The following GABBR1 variants were observed in gnomAD, a reference collection of about 807,000 sequenced individuals.
The protein encoded by GABBR1 is gamma-aminobutyric acid type B receptor subunit 1.
GABBR1 carries 35 observed loss-of-function variants against 117.7 expected under a neutral mutation model. That is an observed-to-expected ratio of 0.30 (90% CI 0.23 to 0.39). GABBR1 has a LOEUF of 0.39. GABBR1 is among the 10% of genes least tolerant of loss of function. GABBR1 has a pLI of 1.00. For synonymous variants in GABBR1, 442 were observed against 486.6 expected (o/e 0.91, Z 1.21); for missense variants, 709 against 1,241.8 (o/e 0.57, Z 6.45).
chr6:29,605,762 C>T lies in GABBR1; in HGVS notation c.2312-66G>A. On this transcript the variant is annotated intron_variant, in intron 19 of 22. Transcript: ENST00000377034. This position sits in a 1 kb window ranked among gnomAD's most constrained non-coding sequence, Gnocchi z 4.2. The stretch of plus-strand genomic sequence containing the variant: ...CAATGCTCCTCACTCAATCCCCATC[C>T]CCTCTCTGCCCTTCACCTACTCTGA... 6.4e-7 allele frequency: 1 copy of T among 1,569,036 alleles called. No homozygotes were observed. Among genetic ancestry groups the T allele is most frequent in the Non-Finnish European group, 8.6e-7 (1 of 1,159,174 alleles).
Position 29,621,203 on chromosome 6 carries a change from A to C in GABBR1, c.1221T>G (p.Ser407=). 1 of 1,613,008 alleles carries C rather than the reference A, an allele frequency of 6.2e-7. No individual in the cohort carries two copies. The highest frequency in any genetic ancestry group is 8.5e-7 in the Non-Finnish European group (1 of 1,179,938). Residue 407 remains serine (S), a synonymous_variant, in exon 11 of 23, where the codon TCT becomes TCG. Transcript: ENST00000377034. The surrounding 1 kb of genome is among the most constrained non-coding windows in gnomAD (Gnocchi z 5.0). ...ADNWFKIYDP[S]INCTVDEMTE... is the part of the protein sequence containing the mutation. Reference sequence around the variant, plus strand: ...TCATCTCATCCACTGTGCAGTTGATAGAAGGGTCGTAGATCTTGAACCAAT... The same window carrying C: ...TCATCTCATCCACTGTGCAGTTGATCGAAGGGTCGTAGATCTTGAACCAAT...
chr6:29,611,902 G>A lies in GABBR1; in HGVS notation c.1630+649C>T. Among the ~76,000 whole-genome samples, 1 of 152,182 alleles carries A rather than the reference G, an allele frequency of 6.6e-6. No homozygotes were observed. The highest frequency in any genetic ancestry group is 1.5e-5 in the Non-Finnish European group (1 of 68,040). The stretch of plus-strand genomic sequence containing the variant: ...TCAGCTTTCTTGAGTCTAACTGACA[G>A]GTCATCAACCTCTCAACCCAAGCCA... On this transcript the variant is annotated intron_variant, in intron 13 of 22. Transcript: ENST00000377034. This position sits in a 1 kb window ranked among gnomAD's most constrained non-coding sequence, Gnocchi z 4.6.
chr6:29,614,471 T>C lies in GABBR1; in HGVS notation c.1324-986A>G, dbSNP rs144674963. Among the ~76,000 whole-genome samples, 379 of 152,384 alleles carry C rather than the reference T, an allele frequency of 2.5e-3. 7 individuals carry two copies. Among genetic ancestry groups the C allele is most frequent in the Middle Eastern group, 0.014 (4 of 294 alleles). On this transcript the variant is annotated intron_variant, in intron 11 of 22. Coordinates refer to ENST00000377034, the MANE Select transcript of GABBR1 (RefSeq NM_001470.4). ...AATAAATAAATAACTTTGTTCCTCA[T>C]GCCTTGCTCACTTTTCTCTCCAACT...
At position 29,613,997 on chromosome 6, in the gene GABBR1, T is replaced by C. The variant is rs1428797647; in HGVS notation, c.1324-512A>G. Among the ~76,000 whole-genome samples, 1 of 152,210 alleles carries C rather than the reference T, an allele frequency of 6.6e-6. No homozygotes were observed. Among genetic ancestry groups the C allele is most frequent in the Non-Finnish European group, 1.5e-5 (1 of 68,046 alleles). ...TCTTCAGCATGCTAACTTCTTGCCA[T>C]TCTTGTGTGCTTTTGGTTCACTGCC... is the stretch of plus-strand genomic sequence containing the variant. On this transcript the variant is annotated intron_variant, in intron 11 of 22. Coordinates refer to ENST00000377034, the MANE Select transcript of GABBR1 (RefSeq NM_001470.4). The surrounding 1 kb of genome is among the most constrained non-coding windows in gnomAD (Gnocchi z 4.1).
At chr6:29,628,188 G>C in intron 5 of GABBR1, 2 of 782,476 alleles carry the variant, frequency 2.6e-6, no homozygotes, top group Non-Finnish European at 3.1e-6. Flanking sequence ...CGGAGGGGCG[G>C]GGAGGGGAGG....
In GABBR1 at chr6:29,622,200, C is replaced by T. The variant is rs777154293; in HGVS notation, c.969G>A (p.Leu323=). Residue 323 remains leucine, a synonymous_variant, in exon 9 of 23, where the codon CTG becomes CTA. Transcript: ENST00000377034. The surrounding 1 kb of genome is among the most constrained non-coding windows in gnomAD (Gnocchi z 4.6). ...QQTTEVFTST[L]DDLEERVKEA... ...CCTTCACTCGTTCCTCCAGGTCGTC[C>T]AGAGTCTTGGGTGGGAATAAAAAAC... 2.5e-6 allele frequency: 4 copies of T among 1,613,254 alleles called. No individual in the cohort carries two copies. Among genetic ancestry groups the T allele is most frequent in the South Asian group, 1.1e-5 (1 of 91,044 alleles).
chr6:29,624,557 C>A (rs1173594765), intron 6 of GABBR1, among the ~76,000 whole-genome samples: 5 of 152,108 alleles, frequency 3.3e-5, no homozygotes, highest in Admixed American at 2.6e-4. Flanking sequence ...AGAACAGGAA[C>A]AAGACCAGTA....
rs1234103303 is a variant in GABBR1, at chr6:29,632,458, T to G, written c.1-73A>C. On this transcript the variant is annotated intron_variant, in intron 1 of 22. Transcript: ENST00000377034. This position sits in a 1 kb window ranked among gnomAD's most constrained non-coding sequence, Gnocchi z 5.8. ...GCCCGCACCCGGAGACTACTCGACC[T>G]CTTGCCGGTTGCCTCGCAGGCTCCG... 4.2e-6 allele frequency: 5 copies of G among 1,204,618 alleles called. No individual in the cohort carries two copies. The African/African-American group carries it at 8.1e-5, about 19-fold the overall frequency. 74.6% of individuals were successfully genotyped at this position (1,204,618 alleles called of 1,614,324 possible). A position where few individuals can be genotyped will look rare whatever the true frequency, so the allele number is the denominator to read the frequency against.
intron 11 of GABBR1, among the ~76,000 whole-genome samples, chr6:29,615,652 C>G (rs1473566942): frequency 1.3e-5 from 2 of 150,672 alleles, no homozygotes; most frequent in Admixed American, 1.3e-4. Context: ...AGGGGGCTCA[C>G]GCCTGTAATC....
Position 29,627,490 on chromosome 6 carries a change from C to G in GABBR1, c.653G>C (p.Ser218Thr). 2.0e-6 allele frequency: 2 copies of G among 991,312 alleles called. No individual in the cohort carries two copies. The highest frequency in any genetic ancestry group is 2.9e-6 in the Non-Finnish European group (2 of 682,910). 61.4% of individuals were successfully genotyped at this position (991,312 alleles called of 1,614,324 possible). Reference sequence around the variant, plus strand: ...CACCCCCATGTCCAGGGCTACCTTGCTGTCGTGGTGGATGAGCTTGAGCTC... The same window carrying G: ...CACCCCCATGTCCAGGGCTACCTTGGTGTCGTGGTGGATGAGCTTGAGCTC... ...DYELKLIHHD[S>T]KCDPGQATKY... Residue 218 changes from serine to threonine, a missense_variant, in exon 6 of 23, where the codon AGC becomes ACC. By Grantham distance (58) the Ser-to-Thr change is moderately conservative. Coordinates refer to ENST00000377034, the MANE Select transcript of GABBR1 (RefSeq NM_001470.4). The surrounding 1 kb of genome is among the most constrained non-coding windows in gnomAD (Gnocchi z 4.4).
Position 29,621,109 on chromosome 6 carries a change from A to C in GABBR1, c.1315T>G (p.Ser439Ala), listed in dbSNP as rs1395631727. 6.2e-7 allele frequency: 1 copy of C among 1,612,204 alleles called. No homozygotes were observed. The highest frequency in any genetic ancestry group is 8.5e-7 in the Non-Finnish European group (1 of 1,179,684). The change falls in exon 11 of 23, where the codon TCC (serine) becomes GCC (alanine). Residue 439 changes from serine to alanine, a missense_variant. Physicochemically the swap from Ser to Ala is moderately conservative, Grantham distance 99 (BLOSUM62 1). Around this residue, in one of 9 missense-constraint regions of GABBR1, gnomAD observed 192 missense variants for 418.4 expected, o/e 0.46. Transcript: ENST00000377034. The surrounding 1 kb of genome is among the most constrained non-coding windows in gnomAD (Gnocchi z 5.0). Reference sequence around the variant, plus strand: ...AGTCCCCACACTCTCACCATGTTGGAAATGCTGCGGGTATTGGCAGGATTC... The same window carrying C: ...AGTCCCCACACTCTCACCATGTTGGCAATGCTGCGGGTATTGGCAGGATTC... Reference protein sequence around the residue: ...MLNPANTRSISNMTSQEFVEK... With the variant: ...MLNPANTRSIANMTSQEFVEK...
rs1762030568 is a variant in GABBR1, at chr6:29,607,029, G to A, written c.2110-25C>T. The A allele has an allele frequency of 6.2e-7, 1 of 1,611,700 alleles. No homozygotes were observed. Among genetic ancestry groups the A allele is most frequent in the East Asian group, 2.2e-5 (1 of 44,854 alleles). On this transcript the variant is annotated intron_variant, in intron 17 of 22. Transcript: ENST00000377034. This position sits in a 1 kb window ranked among gnomAD's most constrained non-coding sequence, Gnocchi z 5.0. ...TCTGGATAAATATGTGGGGAGAACA[G>A]GCACGTCAGGGGAAAATGCTCTGTG...
chr6:29,604,834 G>A lies in GABBR1; in HGVS notation c.2568+26C>T, dbSNP rs1209022268. On this transcript the variant is annotated intron_variant, in intron 21 of 22. Transcript: ENST00000377034. The surrounding 1 kb of genome is among the most constrained non-coding windows in gnomAD (Gnocchi z 5.3). ...GATGGAGGGAACATGGGAACAAAGA[G>A]GGTGGGAGAAAAGCCAGATCCTTAC... 2 of 1,607,678 alleles carry A rather than the reference G, an allele frequency of 1.2e-6. No individual in the cohort carries two copies. The highest frequency in any genetic ancestry group is 2.2e-5 in the South Asian group (2 of 89,896).
In GABBR1 at chr6:29,609,392, G is replaced by A; in HGVS notation, c.1709-13C>T. 1 of 1,612,036 alleles carries A rather than the reference G, an allele frequency of 6.2e-7. No homozygotes were observed. The highest frequency in any genetic ancestry group is 1.1e-5 in the South Asian group (1 of 91,064). The stretch of plus-strand genomic sequence containing the variant: ...GGGGGGGACCCTCCTGCATGGCACA[G>A]GGGAGGAAGAGGGGAAGGGAAAAGA... On this transcript the variant is annotated splice_polypyrimidine_tract_variant and intron_variant, in intron 14 of 22. Transcript: ENST00000377034. The surrounding 1 kb of genome is among the most constrained non-coding windows in gnomAD (Gnocchi z 4.3).
At chr6:29,610,515 C>T (rs780891954) in intron 14 of GABBR1, among the ~76,000 whole-genome samples, 1 of 151,962 alleles carries the variant, frequency 6.6e-6, no homozygotes, top group Non-Finnish European at 1.5e-5. Context: ...GTTTTCCCTC[C>T]TCCTCCATAG....
At position 29,602,713 on chromosome 6, in the gene GABBR1, A is replaced by T. The variant is rs1321966060; in HGVS notation, c.*830T>A. 2 of 336,180 alleles carry T rather than the reference A, an allele frequency of 5.9e-6. No homozygotes were observed. Among genetic ancestry groups the T allele is most frequent in the Non-Finnish European group, 1.2e-5 (2 of 173,116 alleles). The allele number at this position is 336,180 out of a possible 1,614,324, so 20.8% of individuals were successfully genotyped here. ...TACATGGAGGGTACACAGGGAAAGT[A>T]CATGGATAAACATGGACGTGTGCAA... On this transcript the variant is annotated 3_prime_UTR_variant, in exon 23 of 23. Coordinates refer to ENST00000377034, the MANE Select transcript of GABBR1 (RefSeq NM_001470.4).
chr6:29,604,949 A>C lies in GABBR1; in HGVS notation c.2479T>G (p.Ser827Ala). ...LITAPVTMIL[S>A]SQQDAAFAFA... ...GCAAAGGCTGCATCCTGCTGGCTGGACAGAATCATGGTGACAGGAGCAGTG... is the reference window on the plus strand; with the variant it reads ...GCAAAGGCTGCATCCTGCTGGCTGGCCAGAATCATGGTGACAGGAGCAGTG... Residue 827 changes from serine to alanine, a missense_variant, in exon 21 of 23, where the codon TCC becomes GCC. Physicochemically the swap from Ser to Ala is moderately conservative, Grantham distance 99. Transcript: ENST00000377034. This position sits in a 1 kb window ranked among gnomAD's most constrained non-coding sequence, Gnocchi z 5.3. 6.2e-7 allele frequency: 1 copy of C among 1,613,058 alleles called. No individual in the cohort carries two copies. The highest frequency in any genetic ancestry group is 8.5e-7 in the Non-Finnish European group (1 of 1,179,954).
rs188809725 is a variant in GABBR1 at position 29,625,982 on chromosome 6, G to T, written c.657+1504C>A. Among the ~76,000 whole-genome samples the T allele has an allele frequency of 5.6e-3, 854 of 152,060 alleles. 9 individuals are homozygous for T. Among genetic ancestry groups the T allele is most frequent in the African/African-American group, 0.018 (738 of 41,470 alleles). ...GCTGCTCTTCCCATAGGCATTCTGG[G>T]GTTAGCTTACAGCTCAGGAATCCAC... On this transcript the variant is annotated intron_variant, in intron 6 of 22. Transcript: ENST00000377034.
At position 29,605,700 on chromosome 6, in the gene GABBR1, G is replaced by A; in HGVS notation, c.2312-4C>T. ...CCCTTGTAACCATAGAAAATGCCTA[G>A]GATGGCAGGAGAGAGTCACTTGAGC... On this transcript the variant is annotated splice_region_variant and splice_polypyrimidine_tract_variant and intron_variant, in intron 19 of 22. Transcript: ENST00000377034. This position sits in a 1 kb window ranked among gnomAD's most constrained non-coding sequence, Gnocchi z 4.2. 1 of 1,611,666 alleles carries A rather than the reference G, an allele frequency of 6.2e-7. No individual in the cohort carries two copies. Among genetic ancestry groups the A allele is most frequent in the Non-Finnish European group, 8.5e-7 (1 of 1,179,924 alleles).
Sources: allele counts gnomAD v4.1 joint callset (sites outside exome capture counted in the v4.1 genomes callset), GRCh38; gene constraint gnomAD v4.1.1; regional missense constraint gnomAD v4.1.1; non-coding constraint Gnocchi (gnomAD v3.1); transcripts MANE v1.5; gene names NCBI Gene and HGNC (gene_info 2026-07-23, HGNC 2026-07-21).